The following SGCZ variants were observed in gnomAD, a reference collection of about 807,000 sequenced individuals.
The protein encoded by SGCZ is sarcoglycan zeta, also known as zeta-sarcoglycan.
Under a neutral mutation model 41.3 loss-of-function variants are expected in SGCZ, and 40 were observed. The ratio of observed to expected loss-of-function variants is 0.97; its 90% CI spans 0.75 to 1.26. SGCZ has a LOEUF of 1.26. SGCZ is among the 50% of genes most tolerant of loss of function. The pLI, the probability that SGCZ is intolerant of heterozygous loss-of-function variation, is 0.00. For synonymous variants in SGCZ, 206 were observed against 137.5 expected (o/e 1.50, Z -3.49); for missense variants, 552 against 369.8 (o/e 1.49, Z -4.04).
At chr8:14,407,534 T>A (rs1286518712) in intron 2 of SGCZ, among the ~76,000 whole-genome samples, 1 of 152,016 alleles carries the variant, frequency 6.6e-6, no homozygotes, top group Non-Finnish European at 1.5e-5. Flanking sequence ...TGTAAAAAAA[T>A]TAAATAACAT....
intron 2 of SGCZ, among the ~76,000 whole-genome samples, chr8:14,380,841 AGAGT>A (rs1350157446): frequency 6.6e-6 from 1 of 152,188 alleles, no homozygotes; most frequent in East Asian, 1.9e-4. Context: ...CCTGGGCAAC[AGAGT>A]GAGAGTCTGT....
chr8:14,354,949 A>G (rs889894293), intron 2 of SGCZ, among the ~76,000 whole-genome samples: 5 of 151,924 alleles, frequency 3.3e-5, no homozygotes, highest in Non-Finnish European at 1.5e-5. Context: ...ATGTATTGCT[A>G]AGCAGTTTTC....
chr8:14,452,460 G>T (rs1183656531), intron 2 of SGCZ, among the ~76,000 whole-genome samples: 1 of 151,944 alleles, frequency 6.6e-6, no homozygotes, highest in African/African-American at 2.4e-5. Flanking sequence ...TCCAGCCTGG[G>T]TGACAGAGCA....
In SGCZ at chr8:14,276,306, G is replaced by A. The variant is rs145343093; in HGVS notation, c.337-38627C>T. On this transcript the variant is annotated intron_variant, in intron 3 of 7. Transcript: ENST00000382080. Reference sequence around the variant, plus strand: ...TTAAATGATTCCATTGAATCATCACGTCACAGCTTCTTAGGGATCTTATAG... The same window carrying A: ...TTAAATGATTCCATTGAATCATCACATCACAGCTTCTTAGGGATCTTATAG... 2.3e-3 allele frequency among the ~76,000 whole-genome samples: 347 copies of A among 152,166 alleles called. 2 individuals are homozygous for A. The highest frequency in any genetic ancestry group is 7.1e-3 in the African/African-American group (294 of 41,514).
intron 1 of SGCZ, among the ~76,000 whole-genome samples, chr8:15,231,651 T>C (rs1801945277): frequency 7.3e-6 from 1 of 137,060 alleles, no homozygotes; most frequent in Admixed American, 7.7e-5. Flanking sequence ...AGACAGGTTC[T>C]CACTCTGTCA....
At chr8:15,159,219 T>C (rs998602467) in intron 1 of SGCZ, among the ~76,000 whole-genome samples, 13 of 152,190 alleles carry the variant, frequency 8.5e-5, no homozygotes, top group African/African-American at 2.2e-4. Context: ...GCTGAACACA[T>C]GTAGGTTCCC....
intron 1 of SGCZ, among the ~76,000 whole-genome samples, chr8:14,970,787 G>A (rs1585423569): frequency 6.6e-6 from 1 of 151,966 alleles, no homozygotes; most frequent in African/African-American, 2.4e-5. Flanking sequence ...CTTTAGTTTT[G>A]TCCATTTCTA....
At chr8:15,138,914 T>C (rs1808216646) in intron 1 of SGCZ, among the ~76,000 whole-genome samples, 1 of 152,074 alleles carries the variant, frequency 6.6e-6, no homozygotes. Context: ...AAAATGTAAA[T>C]CATATGATAA....
intron 1 of SGCZ, among the ~76,000 whole-genome samples, chr8:15,210,076 C>G (rs1801190770): frequency 6.6e-6 from 1 of 152,048 alleles, no homozygotes; most frequent in African/African-American, 2.4e-5. Context: ...TGCTTCTTAC[C>G]CATTATTTTA....
intron 5 of SGCZ, among the ~76,000 whole-genome samples, chr8:14,147,107 T>C (rs1162912283): frequency 1.3e-5 from 2 of 151,718 alleles, no homozygotes; most frequent in East Asian, 3.9e-4. Context: ...AAACCAAATA[T>C]GTACAATAGA....
At chr8:14,218,559 TTG>T (rs1304193007) in intron 4 of SGCZ, among the ~76,000 whole-genome samples, 4 of 152,350 alleles carry the variant, frequency 2.6e-5, no homozygotes, top group Admixed American at 2.6e-4. Context: ...TGTTTAAATT[TTG>T]TGTGACAGTG....
intron 1 of SGCZ, among the ~76,000 whole-genome samples, chr8:14,752,907 G>C (rs73531142): frequency 0.013 from 1,916 of 152,296 alleles, 37 homozygotes; most frequent in African/African-American, 0.043. Context: ...ATAAATGATA[G>C]TCTGAGTCAC....
At position 14,690,533 on chromosome 8, in the gene SGCZ, G is replaced by C. The variant is rs577545483; in HGVS notation, c.40-135607C>G. On this transcript the variant is annotated intron_variant, in intron 1 of 7. Transcript: ENST00000382080. ...ACAGCAAGGCCAAAAGGGGTGTCTG[G>C]AATAAACTGAAAGCAACGACCAAGA... 1.0e-3 allele frequency: 155 copies of C among 152,222 alleles called. 2 individuals are homozygous for C. The highest frequency in any genetic ancestry group is 3.6e-3 in the African/African-American group (149 of 41,524). 9.4% of individuals were successfully genotyped at this position (152,222 alleles called of 1,614,324 possible). A position where few individuals can be genotyped will look rare whatever the true frequency, so the allele number is the denominator to read the frequency against.
At chr8:14,377,383 G>C (rs1024449762) in intron 2 of SGCZ, among the ~76,000 whole-genome samples, 1 of 152,014 alleles carries the variant, frequency 6.6e-6, no homozygotes, top group Non-Finnish European at 1.5e-5. Flanking sequence ...CTGTTCCTGA[G>C]CCACATAATT....
intron 1 of SGCZ, among the ~76,000 whole-genome samples, chr8:14,661,700 CT>C (rs1448343576): frequency 1.3e-5 from 2 of 152,016 alleles, no homozygotes; most frequent in Non-Finnish European, 2.9e-5. Flanking sequence ...TGGAGTCTCT[CT>C]TGGGTTCTTG....
At position 14,168,963 on chromosome 8, in the gene SGCZ, C is replaced by T. The variant is rs575609656; in HGVS notation, c.425-4261G>A. 5.9e-5 allele frequency among the ~76,000 whole-genome samples: 9 copies of T among 152,154 alleles called. No homozygotes were observed. The East Asian group carries it at 1.7e-3, about 30-fold the overall frequency. ...TCATAACAATCATGGGAGGTGATCC[C>T]TATTTGACCGATGAGGAAACCAAGG... On this transcript the variant is annotated intron_variant, in intron 4 of 7. Transcript: ENST00000382080.
intron 1 of SGCZ, among the ~76,000 whole-genome samples, chr8:15,004,017 A>C (rs956909651): frequency 1.1e-4 from 17 of 152,108 alleles, no homozygotes; most frequent in African/African-American, 4.1e-4. Flanking sequence ...GAGAAAAGTG[A>C]GGTCTGGAAA....
chr8:14,590,579 G>A (rs1029714961), intron 1 of SGCZ, among the ~76,000 whole-genome samples: 3 of 150,064 alleles, frequency 2.0e-5, no homozygotes, highest in African/African-American at 4.9e-5. Flanking sequence ...TTCAAATAGT[G>A]GACTAGAGTT....
intron 3 of SGCZ, among the ~76,000 whole-genome samples, chr8:14,308,832 C>G (rs1383364533): frequency 2.0e-5 from 3 of 151,954 alleles, no homozygotes; most frequent in Non-Finnish European, 2.9e-5. Flanking sequence ...CCTCCATAAA[C>G]AAAACTAATG....
Sources: gnomAD v4.1 joint callset for allele counts (sites outside exome capture counted in the v4.1 genomes callset) on GRCh38, gnomAD v4.1.1 for gene constraint, MANE v1.5 for transcripts, NCBI Gene and HGNC (gene_info 2026-07-23, HGNC 2026-07-21) for gene names.